RNF115: variants seen among roughly 807,000 people sequenced by gnomAD.
RNF115 encodes the protein ring finger protein 115.
In RNF115, 31 loss-of-function variants were observed where a neutral mutation model predicts 39.2. That is an observed-to-expected ratio of 0.79 (90% confidence interval 0.59 to 1.07). The LOEUF (loss-of-function observed/expected upper bound fraction) is 1.07, where lower values mean the gene tolerates loss of function less well. Among genes scored for constraint, RNF115 ranks in the 50% least tolerant of loss-of-function variants. The pLI is 0.00. For missense variants in RNF115, 384 were observed against 381.7 expected (o/e 1.01, Z -0.05); for synonymous variants, 124 against 131.0 (o/e 0.95, Z 0.37).
intron 4 of RNF115, among the ~76,000 whole-genome samples, chr1:145,767,047 G>A (rs1477430142): frequency 7.7e-5 from 11 of 142,280 alleles, no homozygotes; most frequent in Admixed American, 1.4e-4. Flanking sequence ...CCTCCCGGAC[G>A]GGGCGGCTGG....
chr1:145,785,224 T>C (rs1345219485), intron 2 of RNF115, among the ~76,000 whole-genome samples: 3 of 152,140 alleles, frequency 2.0e-5, no homozygotes, highest in African/African-American at 7.2e-5. Flanking sequence ...TATAAATATC[T>C]AGGATTTGCC....
At chr1:145,795,391 C>T (rs1481496344) in intron 1 of RNF115, among the ~76,000 whole-genome samples, 2 of 152,074 alleles carry the variant, frequency 1.3e-5, no homozygotes, top group African/African-American at 2.4e-5. Context: ...GTACGGCCAG[C>T]TTTTATTCCC....
At position 145,739,433 on chromosome 1, in the gene RNF115, A is replaced by ATGAAGTAATAAGT. The variant is rs1657625024; in HGVS notation, c.*7432_*7433insACTTATTACTTCA. 6.6e-6 allele frequency: 1 copy of ATGAAGTAATAAGT among 151,962 alleles called. No homozygotes were observed. The highest frequency in any genetic ancestry group is 1.5e-5 in the Non-Finnish European group (1 of 67,994). The allele number at this position is 151,962 out of a possible 1,614,324, so 9.4% of individuals were successfully genotyped here. ...GATATGGCTGAAGTAGATGAGTAAG[A>ATGAAGTAATAAGT]CTCTTATTAGTGATAGTCTTGAACC... On this transcript the variant is annotated 3_prime_UTR_variant, in exon 9 of 9. Coordinates refer to ENST00000582693, the MANE Select transcript of RNF115 (RefSeq NM_014455.4).
intron 3 of RNF115, chr1:145,772,306 G>A (rs890901338): frequency 8.1e-5 from 14 of 172,618 alleles, no homozygotes; most frequent in Admixed American, 6.1e-4. Flanking sequence ...GAAAAATTAC[G>A]AATGTTTAAT....
At chr1:145,747,851 C>G (rs1657931421) in intron 8 of RNF115, 144 bp downstream of exon 8, 1 of 617,158 alleles carries the variant, frequency 1.6e-6, no homozygotes, top group Non-Finnish European at 2.9e-6. Flanking sequence ...AACCCTTGGT[C>G]AGAAAAGTTC....
rs1553715814 is a variant in RNF115, at chr1:145,771,824, C to G, written c.315G>C (p.Arg105Ser). The G allele has an allele frequency of 1.2e-5, 19 of 1,613,924 alleles. No individual in the cohort carries two copies. The highest frequency in any genetic ancestry group is 1.6e-5 in the Non-Finnish European group (19 of 1,179,932). ...PLDQDNRANE[R>S]GHQTHTDFWG... ...AGAAGTCAGTGTGAGTCTGGTGACC[C>G]CTTTCATTGGCTCTATTATCTTGGT... The change falls in exon 4 of 9, where the codon AGG (arginine) becomes AGC (serine). Residue 105 changes from arginine to serine, a missense_variant. By Grantham distance (110) the Arg-to-Ser change is moderately radical. Transcript: ENST00000582693.
chr1:145,766,008 T>C (rs1571725479), intron 4 of RNF115, among the ~76,000 whole-genome samples: 1 of 152,256 alleles, frequency 6.6e-6, no homozygotes, highest in East Asian at 1.9e-4. Context: ...TTTTCTTTTT[T>C]TTTTTTTTAA....
intron 1 of RNF115, among the ~76,000 whole-genome samples, chr1:145,803,531 G>A (rs1039167653): frequency 2.6e-5 from 4 of 152,152 alleles, no homozygotes; most frequent in Non-Finnish European, 5.9e-5. Context: ...TGGGAATACA[G>A]GTGCCCGCCA....
Position 145,784,591 on chromosome 1 carries a change from A to G in RNF115, c.167T>C (p.Leu56Ser), listed in dbSNP as rs782662466. 5.0e-6 allele frequency: 8 copies of G among 1,613,740 alleles called. No individual in the cohort carries two copies. The highest frequency in any genetic ancestry group is 1.6e-4 in the Middle Eastern group (1 of 6,084). Residue 56 changes from leucine to serine, a missense_variant, in exon 3 of 9, where the codon TTA (leucine) becomes TCA (serine). Physicochemically the swap from Leu to Ser is moderately radical, Grantham distance 145. Transcript: ENST00000582693. ...GTCTATCCGACTGCCGCCACCACCT[A>G]AAAAACTAAAGAGAAAAGGAATGAG... Reference protein sequence around the residue: ...IEEVTDDSSFLGGGGSRIDNT... With the variant: ...IEEVTDDSSFSGGGGSRIDNT...
chr1:145,802,555 A>G (rs1245971652), intron 1 of RNF115, among the ~76,000 whole-genome samples: 1 of 152,200 alleles, frequency 6.6e-6, no homozygotes. Context: ...CAGTACATCA[A>G]ATGTAATATA....
intron 1 of RNF115, among the ~76,000 whole-genome samples, chr1:145,806,604 T>C (rs1312089739): frequency 2.6e-5 from 4 of 152,058 alleles, no homozygotes; most frequent in African/African-American, 9.7e-5. Flanking sequence ...CTCATGAATG[T>C]CTTGGTGCAG....
chr1:145,749,796 A>G (rs1658010393), intron 7 of RNF115, among the ~76,000 whole-genome samples: 1 of 152,206 alleles, frequency 6.6e-6, no homozygotes, highest in African/African-American at 2.4e-5. Flanking sequence ...ATATTAGTTC[A>G]TACTTTTCCT....
chr1:145,747,943 A>T, intron 8 of RNF115, 52 bp downstream of exon 8: 1 of 1,176,754 alleles, frequency 8.5e-7, no homozygotes, highest in Non-Finnish European at 1.3e-6. Flanking sequence ...ACTGTTAACT[A>T]TACCTTTACT....
Position 145,746,753 on chromosome 1 carries a change from G to T in RNF115, c.*113C>A. On this transcript the variant is annotated 3_prime_UTR_variant, in exon 9 of 9. Transcript: ENST00000582693. ...AAAACATTCATTGCATTTATATTAT[G>T]TGTTGAGTTTCTTACATATTCCTAA... The T allele has an allele frequency of 2.1e-6, 2 of 975,152 alleles. No individual in the cohort carries two copies. Among genetic ancestry groups the T allele is most frequent in the Non-Finnish European group, 3.0e-6 (2 of 661,854 alleles). The allele number at this position is 975,152 out of a possible 1,614,324, so 60.4% of individuals were successfully genotyped here. A position where few individuals can be genotyped will look rare whatever the true frequency, so the allele number is the denominator to read the frequency against.
chr1:145,789,238 G>A (rs149403624), intron 1 of RNF115, among the ~76,000 whole-genome samples: 6 of 152,138 alleles, frequency 3.9e-5, no homozygotes, highest in Non-Finnish European at 7.4e-5. Flanking sequence ...GAGTAGCTAG[G>A]ACCACAGGCA....
rs918648806 is a variant in RNF115, at chr1:145,808,045, C to A, written c.102+15727G>T. Among the ~76,000 whole-genome samples, 19 of 106,996 alleles carry A rather than the reference C, an allele frequency of 1.8e-4. 1 individual carries two copies. The highest frequency in any genetic ancestry group is 3.4e-4 in the Non-Finnish European group (18 of 53,692). 70.2% of individuals were successfully genotyped at this position (106,996 alleles called of 152,430 possible). On this transcript the variant is annotated intron_variant, in intron 1 of 8. Coordinates refer to ENST00000582693, the MANE Select transcript of RNF115 (RefSeq NM_014455.4). ...CTTGATTCTTTCTTATGGCCAAACA[C>A]TATTCTCTTGCATATATATATATAT...
chr1:145,801,602 A>C (rs1159865526), intron 1 of RNF115, among the ~76,000 whole-genome samples: 5 of 152,198 alleles, frequency 3.3e-5, no homozygotes, highest in African/African-American at 9.6e-5. Context: ...CAAGAATAAT[A>C]ATCAAATGCC....
chr1:145,759,083 AG>A (rs1345176337), intron 4 of RNF115, among the ~76,000 whole-genome samples: 1 of 152,158 alleles, frequency 6.6e-6, no homozygotes, highest in Admixed American at 6.6e-5. Flanking sequence ...TAGCCTCTCT[AG>A]GTTTTCCTTG....
At chr1:145,797,302 G>A (rs782344625) in intron 1 of RNF115, among the ~76,000 whole-genome samples, 3 of 152,072 alleles carry the variant, frequency 2.0e-5, no homozygotes, top group Non-Finnish European at 4.4e-5. Context: ...TCCTTCTCTG[G>A]CAAAACTCAT....
Sources: gnomAD v4.1 joint callset for allele counts (sites outside exome capture counted in the v4.1 genomes callset) on GRCh38, gnomAD v4.1.1 for gene constraint, MANE v1.5 for transcripts, NCBI Gene and HGNC (gene_info 2026-07-23, HGNC 2026-07-21) for gene names.